DGCR8: variants seen among roughly 807,000 people sequenced by gnomAD.
DGCR8 encodes DGCR8 microprocessor complex subunit.
DGCR8 carries 14 observed loss-of-function variants against 78.5 expected under a neutral mutation model. The observed-to-expected ratio is 0.18, with a 90% CI of 0.12 to 0.28. The LOEUF is 0.28. Ranked by LOEUF, DGCR8 falls within the 10% of genes least tolerant of loss-of-function variation. The probability of loss-of-function intolerance (pLI) is 1.00; values close to 1 mark genes in which losing one functional copy is unlikely to be tolerated. For synonymous variants in DGCR8, 399 were observed against 402.4 expected (o/e 0.99, Z 0.10); for missense variants, 702 against 1,022.5 (o/e 0.69, Z 4.28).
At chr22:20,101,577 CA>C (rs57386389) in intron 9 of DGCR8, 39,552 of 702,300 alleles carry the variant, frequency 0.056, 367 homozygotes, top group African/African-American at 0.15. Context: ...GAATATGTCT[CA>C]AAAAAAAAAA....
chr22:20,086,712 C>G lies in DGCR8; in HGVS notation c.720+29C>G. 3 of 1,552,876 alleles carry G rather than the reference C, an allele frequency of 1.9e-6. No individual in the cohort carries two copies. The highest frequency in any genetic ancestry group is 1.4e-5 in the African/African-American group (1 of 72,768). On this transcript the variant is annotated intron_variant, in intron 2 of 13. Coordinates refer to ENST00000351989, the MANE Select transcript of DGCR8 (RefSeq NM_022720.7). The surrounding 1 kb of genome is among the most constrained non-coding windows in gnomAD (Gnocchi z 6.4). ...TGTTGGCAGCCCCTCCTCTAGAGGG[C>G]TCTTAGCAAAACCCAAAGAGAGATT...
intron 5 of DGCR8, 107 bp downstream of exon 5, chr22:20,090,365 A>T: frequency 7.6e-7 from 1 of 1,322,754 alleles, no homozygotes; most frequent in Non-Finnish European, 1.0e-6. Context: ...CTTGTGAGCA[A>T]GGGGCTGTGC....
intron 9 of DGCR8, among the ~76,000 whole-genome samples, chr22:20,100,992 T>G (rs2049693747): frequency 6.6e-6 from 1 of 152,202 alleles, no homozygotes; most frequent in Non-Finnish European, 1.5e-5. Context: ...AGGAAAAATT[T>G]TACTTATGAA....
Position 20,089,604 on chromosome 22 carries a change from G to C in DGCR8, c.881-65G>C. 6.4e-7 allele frequency: 1 copy of C among 1,571,260 alleles called. No individual in the cohort carries two copies. Among genetic ancestry groups the C allele is most frequent in the Non-Finnish European group, 8.7e-7 (1 of 1,147,696 alleles). On this transcript the variant is annotated intron_variant, in intron 3 of 13. Coordinates refer to ENST00000351989, the MANE Select transcript of DGCR8 (RefSeq NM_022720.7). This position sits in a 1 kb window ranked among gnomAD's most constrained non-coding sequence, Gnocchi z 4.9. ...TACCCAACAATTTCTTGTGCAGGAG[G>C]TGCTGTGGCAACAATTCCAAGTGTT...
intron 3 of DGCR8, among the ~76,000 whole-genome samples, chr22:20,088,506 G>A (rs530304640): frequency 2.0e-5 from 3 of 152,164 alleles, no homozygotes; most frequent in Admixed American, 6.5e-5. Context: ...CAGCCCCAGC[G>A]GACCCGTGGC....
Position 20,087,298 on chromosome 22 carries a change from C to T in DGCR8, c.857C>T (p.Thr286Ile), listed in dbSNP as rs761683055. ...DGETSVQPMM[T>I]KIKTVLKSRG... Reference sequence around the variant, plus strand: ...GAGACAAGTGTGCAGCCGATGATGACCAAGATTAAAACAGTGCTCAAAAGT... The same window carrying T: ...GAGACAAGTGTGCAGCCGATGATGATCAAGATTAAAACAGTGCTCAAAAGT... The change falls in exon 3 of 14, where the codon ACC (threonine) becomes ATC (isoleucine). Residue 286 changes from threonine to isoleucine, a missense_variant. Transcript: ENST00000351989. This position sits in a 1 kb window ranked among gnomAD's most constrained non-coding sequence, Gnocchi z 4.1. 4.3e-6 allele frequency: 7 copies of T among 1,612,250 alleles called. No homozygotes were observed. Among genetic ancestry groups the T allele is most frequent in the African/African-American group, 4.0e-5 (3 of 74,842 alleles).
intron 12 of DGCR8, chr22:20,108,159 T>C (rs56689361): frequency 0.041 from 6,331 of 152,698 alleles, 176 homozygotes; most frequent in South Asian, 0.095. Flanking sequence ...CTGGACATGA[T>C]AAGGGAGGGT....
chr22:20,111,706 G>GCCCCCCCCCCCCCCCCCCCCCCCCCCCC lies in DGCR8; in HGVS notation c.*1614_*1615insCCCCCCCCCCCCCCCCCCCCCCCCCCCC, dbSNP rs71717697. 1.6e-5 allele frequency: 1 copy of GCCCCCCCCCCCCCCCCCCCCCCCCCCCC among 63,028 alleles called. No homozygotes were observed. The allele number at this position is 63,028 out of a possible 1,614,324, so 3.9% of individuals were successfully genotyped here. ...TGCCATACTCTTGTGGTCTCTGTGC[G>GCCCCCCCCCCCCCCCCCCCCCCCCCCCC]CCCCCCCCCCCCCCCCACCCGTCTG... is the stretch of plus-strand genomic sequence containing the variant. On this transcript the variant is annotated 3_prime_UTR_variant, in exon 14 of 14. Coordinates refer to ENST00000351989, the MANE Select transcript of DGCR8 (RefSeq NM_022720.7).
chr22:20,091,929 G>A lies in DGCR8; in HGVS notation c.1565G>A (p.Arg522His). Residue 522 changes from arginine (R) to histidine (H), a missense_variant, in exon 7 of 14, where the codon CGT becomes CAT. Physicochemically the swap from Arg to His is conservative, Grantham distance 29 (BLOSUM62 0). Coordinates refer to ENST00000351989, the MANE Select transcript of DGCR8 (RefSeq NM_022720.7). ...EVCILHEYMQRVLKVRPVYNF... is the reference protein window; with the variant it reads ...EVCILHEYMQHVLKVRPVYNF... ...TGCATCCTGCACGAGTACATGCAGC[G>A]TGTCCTCAAGGTCCGCCCTGTCTAT... The A allele has an allele frequency of 6.2e-7, 1 of 1,614,112 alleles. No individual in the cohort carries two copies. Among genetic ancestry groups the A allele is most frequent in the African/African-American group, 1.3e-5 (1 of 75,048 alleles).
chr22:20,097,943 A>G (rs2049649126), intron 9 of DGCR8, among the ~76,000 whole-genome samples: 1 of 150,732 alleles, frequency 6.6e-6, no homozygotes, highest in Non-Finnish European at 1.5e-5. Context: ...CCTGGCCAAC[A>G]TGGTGAAACC....
intron 12 of DGCR8, 115 bp from the exon 13 acceptor site, chr22:20,108,775 C>CTGCCAGACCCTGGGCGCGCCTTCCT: frequency 4.9e-6 from 1 of 202,652 alleles, no homozygotes; most frequent in South Asian, 4.5e-5. Flanking sequence ...TGTTTCGTGT[C>CTGCCAGACCCTGGGCGCGCCTTCCT]TGCCAGACCC....
At chr22:20,088,555 T>C (rs560084807) in intron 3 of DGCR8, among the ~76,000 whole-genome samples, 1 of 152,290 alleles carries the variant, frequency 6.6e-6, no homozygotes, top group South Asian at 2.1e-4. Context: ...TTGCTTCTTT[T>C]CCTGACTTAA....
intron 12 of DGCR8, 106 bp downstream of exon 12, chr22:20,107,504 C>T (rs1164642879): frequency 1.4e-6 from 2 of 1,408,592 alleles, no homozygotes; most frequent in African/African-American, 2.8e-5. Context: ...TCTGCTGTTG[C>T]TCACAGCTGC....
At chr22:20,100,279 A>G in intron 9 of DGCR8, 1 of 848,452 alleles carries the variant, frequency 1.2e-6, no homozygotes, top group Non-Finnish European at 1.4e-6. Context: ...GTTGGCCAGG[A>G]TGGTCTCTAT....
chr22:20,111,795 T>C lies in DGCR8; in HGVS notation c.*1687T>C. ...AAGGCCGGGGCAGGGGAGCCTGTGC[T>C]GATGCCATCCAGGGCACTGGGCTGT... is the stretch of plus-strand genomic sequence containing the variant. On this transcript the variant is annotated 3_prime_UTR_variant, in exon 14 of 14. Transcript: ENST00000351989. The C allele has an allele frequency of 4.8e-6, 1 of 209,926 alleles. No homozygotes were observed. Among genetic ancestry groups the C allele is most frequent in the Non-Finnish European group, 9.3e-6 (1 of 107,502 alleles). The allele number at this position is 209,926 out of a possible 1,614,324, so 13.0% of individuals were successfully genotyped here. A position where few individuals can be genotyped will look rare whatever the true frequency, so the allele number is the denominator to read the frequency against.
rs3081766 is a variant in DGCR8 at position 20,111,378 on chromosome 22, T to TTC, written c.*1270_*1271insTC. On this transcript the variant is annotated 3_prime_UTR_variant, in exon 14 of 14. Transcript: ENST00000351989. The stretch of plus-strand genomic sequence containing the variant: ...TACTGATGGCGCTTTTTTTTTTTTT[T>TTC]CTGTCAGGAAAACAATGTTGGCCTG... 21 of 396,508 alleles carry TTC rather than the reference T, an allele frequency of 5.3e-5. No homozygotes were observed. Among genetic ancestry groups the TTC allele is most frequent in the East Asian group, 4.6e-4 (13 of 28,062 alleles). 24.6% of individuals were successfully genotyped at this position (396,508 alleles called of 1,614,324 possible).
At chr22:20,109,804 A>G (rs2049813389) in intron 13 of DGCR8, among the ~76,000 whole-genome samples, 1 of 152,228 alleles carries the variant, frequency 6.6e-6, no homozygotes, top group African/African-American at 2.4e-5. Flanking sequence ...GGGAGGCTGC[A>G]CATGTTGTAC....
At position 20,083,733 on chromosome 22, in the gene DGCR8, G is replaced by A. The variant is rs567492300; in HGVS notation, c.-277-1954G>A. 6.6e-5 allele frequency among the ~76,000 whole-genome samples: 10 copies of A among 152,120 alleles called. No homozygotes were observed. In the South Asian group the frequency reaches 8.3e-4, roughly 13 times the overall value. On this transcript the variant is annotated intron_variant, in intron 1 of 13. Coordinates refer to ENST00000351989, the MANE Select transcript of DGCR8 (RefSeq NM_022720.7). ...CTATGGGACTGCCAGGTTCTGAGGT[G>A]TGTGGCCCTGGTCTTCCTTGTAATC...
chr22:20,109,257 G>T, intron 13 of DGCR8: 1 of 395,068 alleles, frequency 2.5e-6, no homozygotes, highest in South Asian at 2.2e-5. Context: ...CACAGTCTTG[G>T]TGGGCCACCT....
Sources: gnomAD v4.1 joint callset for allele counts (sites outside exome capture counted in the v4.1 genomes callset) on GRCh38, gnomAD v4.1.1 for gene constraint, Gnocchi (gnomAD v3.1) non-coding constraint, MANE v1.5 for transcripts, NCBI Gene and HGNC (gene_info 2026-07-23, HGNC 2026-07-21) for gene names.